The following HEATR5A variants were observed in gnomAD, a reference collection of about 807,000 sequenced individuals.
HEATR5A encodes HEAT repeat containing 5A.
A neutral mutation model predicts 218.8 loss-of-function variants in HEATR5A; 178 were observed. That is an observed-to-expected ratio of 0.81 (90% CI 0.72 to 0.92). The LOEUF is 0.92. Ranked by LOEUF, HEATR5A falls within the 40% of genes least tolerant of loss-of-function variation. The pLI, the probability that HEATR5A is intolerant of heterozygous loss-of-function variation, is 0.00. For missense variants in HEATR5A, 2,420 were observed against 2,418.9 expected (o/e 1.00, Z -0.01); for synonymous variants, 864 against 871.6 (o/e 0.99, Z 0.15).
intron 3 of HEATR5A, 94 bp from the exon 4 acceptor site, chr14:31,398,875 C>T (rs2030759560): frequency 1.5e-6 from 1 of 679,140 alleles, no homozygotes; most frequent in South Asian, 1.8e-5. Context: ...GAAAAATATC[C>T]CCCATTCTCT....
At chr14:31,395,160 TA>T in intron 5 of HEATR5A, 38 bp downstream of exon 5, 1 of 1,368,542 alleles carries the variant, frequency 7.3e-7, no homozygotes, top group Non-Finnish European at 9.7e-7. Context: ...TACTTTTCTT[TA>T]TATTAATTTT....
chr14:31,368,351 G>A lies in HEATR5A; in HGVS notation c.1961+3459C>T, dbSNP rs1007817289. Reference sequence around the variant, plus strand: ...CCAGAACTGTTAGAAATAAGTGCCCGTTTTTTAATAAATTATCCAGCCTCA... The same window carrying A: ...CCAGAACTGTTAGAAATAAGTGCCCATTTTTTAATAAATTATCCAGCCTCA... On this transcript the variant is annotated intron_variant, in intron 13 of 35. Coordinates refer to ENST00000543095, the MANE Select transcript of HEATR5A (RefSeq NM_015473.4). 5.9e-5 allele frequency among the ~76,000 whole-genome samples: 9 copies of A among 152,144 alleles called. No homozygotes were observed. In the South Asian group the frequency reaches 6.2e-4, roughly 11 times the overall value.
At chr14:31,390,240 T>C (rs908781137) in intron 6 of HEATR5A, among the ~76,000 whole-genome samples, 2 of 152,048 alleles carry the variant, frequency 1.3e-5, no homozygotes, top group Non-Finnish European at 1.5e-5. Context: ...GCAGAAGATA[T>C]AGGACCTTGT....
intron 22 of HEATR5A, among the ~76,000 whole-genome samples, chr14:31,336,213 C>CATATAT (rs371848651): frequency 1.4e-3 from 129 of 90,648 alleles, no homozygotes; most frequent in East Asian, 5.6e-3. Flanking sequence ...TATATACATA[C>CATATAT]ATACATATAT....
rs751960724 is a variant in HEATR5A at position 31,309,118 on chromosome 14, T to G, written c.4506A>C (p.Ala1502=). ...NAKLHYYNSW[A]LILHATALWL... ...ACAATGCTGTAGCATGGAGGATAAG[T>G]GCCCAGGAGTTGTAATAATGCAATT... The change falls in exon 29 of 36, where the codon GCA becomes GCC. Residue 1502 remains alanine (A), a synonymous_variant. Coordinates refer to ENST00000543095, the MANE Select transcript of HEATR5A (RefSeq NM_015473.4). The G allele has an allele frequency of 1.4e-5, 23 of 1,613,986 alleles. No homozygotes were observed. Among genetic ancestry groups the G allele is most frequent in the Non-Finnish European group, 1.8e-5 (21 of 1,179,870 alleles).
intron 11 of HEATR5A, among the ~76,000 whole-genome samples, chr14:31,378,620 T>A (rs748411947): frequency 1.3e-4 from 20 of 151,930 alleles, no homozygotes; most frequent in Non-Finnish European, 2.5e-4. Context: ...ACCCCGTCTC[T>A]ACTAAAAAAT....
chr14:31,344,121 A>G, intron 20 of HEATR5A, 56 bp from the exon 21 acceptor site: 8 of 1,060,296 alleles, frequency 7.5e-6, no homozygotes, highest in Non-Finnish European at 1.0e-5. Flanking sequence ...ATTACTCTTT[A>G]AACATATATT....
rs1434727169 is a variant in HEATR5A, at chr14:31,308,999, G to T, written c.4625C>A (p.Ser1542Ter). The T allele has an allele frequency of 6.2e-7, 1 of 1,613,676 alleles. No homozygotes were observed. The highest frequency in any genetic ancestry group is 2.2e-5 in the East Asian group (1 of 44,886). The change falls in exon 29 of 36, where the codon TCA (serine) becomes TAA (stop). Residue 1542 changes from serine to a stop codon, truncating the protein, a stop_gained. Transcript: ENST00000543095. LOFTEE classifies it high-confidence loss of function. The part of the protein sequence containing the change: ...PVTPTSMCQG[S>*]SSGATIKSPE... ...GGACTTTATGGTAGCCCCAGATGAT[G>T]AACCCTGACACATGGAAGTTGGTGT...
intron 16 of HEATR5A, among the ~76,000 whole-genome samples, chr14:31,352,517 A>C (rs554849887): frequency 6.6e-6 from 1 of 152,172 alleles, no homozygotes; most frequent in Non-Finnish European, 1.5e-5. Flanking sequence ...GTAAATGGCA[A>C]TTTTATTATC....
chr14:31,362,606 C>CAAAAGAAA (rs1901657365), intron 14 of HEATR5A, among the ~76,000 whole-genome samples: 1 of 44,748 alleles, frequency 2.2e-5, no homozygotes, highest in African/African-American at 1.0e-4. Context: ...CTACAAATGA[C>CAAAAGAAA]AAAAAAAAAA....
rs117365792 is a variant in HEATR5A at position 31,347,697 on chromosome 14, C to T, written c.2868+51G>A. The stretch of plus-strand genomic sequence containing the variant: ...TAATGTTCAATATAAACACAATCTG[C>T]ATCATCTAAAAATCATGAATTTCAA... On this transcript the variant is annotated intron_variant, in intron 19 of 35. Coordinates refer to ENST00000543095, the MANE Select transcript of HEATR5A (RefSeq NM_015473.4). 8.5e-4 allele frequency: 1,148 copies of T among 1,343,336 alleles called. 22 individuals are homozygous for T. In the East Asian group the frequency reaches 0.029, roughly 33 times the overall value. The allele number at this position is 1,343,336 out of a possible 1,614,324, so 83.2% of individuals were successfully genotyped here.
intron 14 of HEATR5A, among the ~76,000 whole-genome samples, chr14:31,359,287 A>AGTGTGTGTGTGTGT (rs35338545): frequency 1.2e-4 from 6 of 50,508 alleles, no homozygotes; most frequent in Admixed American, 5.0e-4. Flanking sequence ...AAAGTGTAAG[A>AGTGTGTGTGTGTGT]GTGTGTGTGT....
chr14:31,394,201 G>T lies in HEATR5A; in HGVS notation c.623C>A (p.Ala208Asp). ...CAGGTCCGTACTCCACATAAAGATG[G>T]CTTCATTCTGAAGTTCAAGGAGACA... Reference protein sequence around the residue: ...AKCLLELQNEAIFMWSTDLDS... With the variant: ...AKCLLELQNEDIFMWSTDLDS... The change falls in exon 6 of 36, where the codon GCC becomes GAC. Residue 208 changes from alanine to aspartate, a missense_variant. Coordinates refer to ENST00000543095, the MANE Select transcript of HEATR5A (RefSeq NM_015473.4). The T allele has an allele frequency of 6.7e-7, 1 of 1,494,544 alleles. No individual in the cohort carries two copies. The highest frequency in any genetic ancestry group is 2.5e-5 in the East Asian group (1 of 39,698). The allele number at this position is 1,494,544 out of a possible 1,614,324, so 92.6% of individuals were successfully genotyped here.
At position 31,350,594 on chromosome 14, in the gene HEATR5A, G is replaced by GA. The variant is rs1901188093; in HGVS notation, c.2517+17dup. 3.6e-6 allele frequency: 5 copies of GA among 1,396,908 alleles called. No homozygotes were observed. Among genetic ancestry groups the GA allele is most frequent in the African/African-American group, 1.4e-5 (1 of 69,120 alleles). 86.5% of individuals were successfully genotyped at this position (1,396,908 alleles called of 1,614,324 possible). ...TAAAAAATGAAGCCAACATTTAAAT[G>GA]AAAAAAATAATAATTACCTTCAAGA... is the stretch of plus-strand genomic sequence containing the variant. On this transcript the variant is annotated intron_variant, in intron 17 of 35. Coordinates refer to ENST00000543095, the MANE Select transcript of HEATR5A (RefSeq NM_015473.4).
chr14:31,327,241 C>G (rs1389023105), intron 22 of HEATR5A, among the ~76,000 whole-genome samples: 1 of 148,250 alleles, frequency 6.7e-6, no homozygotes, highest in Non-Finnish European at 1.5e-5. Flanking sequence ...TCCCAAAGTG[C>G]TGGGATTATA....
intron 18 of HEATR5A, 60 bp downstream of exon 18, chr14:31,349,716 GTTCCAACAAGCCA>G (rs1345733959): frequency 1.1e-6 from 1 of 948,048 alleles, no homozygotes; most frequent in African/African-American, 1.7e-5. Flanking sequence ...GATCTTACTA[GTTCCAACAAGCCA>G]GAAAGCTATA....
At chr14:31,321,417 C>CA in intron 25 of HEATR5A, 82 bp downstream of exon 25, 1 of 1,119,348 alleles carries the variant, frequency 8.9e-7, no homozygotes, top group Non-Finnish European at 1.2e-6. Flanking sequence ...GCTGGGATTA[C>CA]AGGCATGAGC....
In HEATR5A at chr14:31,337,476, C is replaced by T; in HGVS notation, c.3367G>A (p.Asp1123Asn). The change falls in exon 22 of 36, where the codon GAT (aspartate) becomes AAT (asparagine). Residue 1123 changes from aspartate (D) to asparagine (N), a missense_variant and splice_region_variant. By Grantham distance (23) the Asp-to-Asn change is conservative. Coordinates refer to ENST00000543095, the MANE Select transcript of HEATR5A (RefSeq NM_015473.4). ...AKDSREELTPDANIREVGLEG... is the reference protein window; with the variant it reads ...AKDSREELTPNANIREVGLEG... ...ACATAATCTTGATCAAGAGAATTAC[C>T]TGGAGTCAACTCTTCTCTGCTATCC... 1 of 1,548,738 alleles carries T rather than the reference C, an allele frequency of 6.5e-7. No homozygotes were observed. Among genetic ancestry groups the T allele is most frequent in the Non-Finnish European group, 8.7e-7 (1 of 1,145,354 alleles).
In HEATR5A at chr14:31,344,085, G is replaced by A. The variant is rs373371076; in HGVS notation, c.3059-20C>T. On this transcript the variant is annotated intron_variant, in intron 20 of 35. Transcript: ENST00000543095. ...TGTTACCTAAAATAAAAAGCAGAAA[G>A]CTTTTAATAATTGGCCTATAAAAAC... 6 of 1,409,226 alleles carry A rather than the reference G, an allele frequency of 4.3e-6. No individual in the cohort carries two copies. The highest frequency in any genetic ancestry group is 3.3e-5 in the South Asian group (2 of 61,368). 87.3% of individuals were successfully genotyped at this position (1,409,226 alleles called of 1,614,324 possible). A position where few individuals can be genotyped will look rare whatever the true frequency, so the allele number is the denominator to read the frequency against.
Sources: allele counts gnomAD v4.1 joint callset (sites outside exome capture counted in the v4.1 genomes callset), GRCh38; gene constraint gnomAD v4.1.1; transcripts MANE v1.5; gene names NCBI Gene and HGNC (gene_info 2026-07-23, HGNC 2026-07-21).